The following DPP10 variants were observed in gnomAD, a reference collection of about 807,000 sequenced individuals.
DPP10 encodes the protein inactive dipeptidyl peptidase 10.
In DPP10, 33 loss-of-function variants were observed where a neutral mutation model predicts 120.9. The observed-to-expected ratio is 0.27, with a 90% CI of 0.21 to 0.37. DPP10 has a LOEUF of 0.37. DPP10 is among the 10% of genes least tolerant of loss of function. The pLI, the probability that DPP10 is intolerant of heterozygous loss-of-function variation, is 1.00. For synonymous variants in DPP10, 337 were observed against 326.1 expected, an observed-to-expected ratio of 1.03 and a Z score of -0.36; for missense variants, 816 against 942.8, an observed-to-expected ratio of 0.87 and a Z score of 1.76.
chr2:115,130,629 A>G (rs2050306626), intron 1 of DPP10, among the ~76,000 whole-genome samples: 1 of 152,168 alleles, frequency 6.6e-6, no homozygotes, highest in Non-Finnish European at 1.5e-5. Flanking sequence ...TACCAGATCC[A>G]GAGCTACTGA....
At chr2:115,416,547 A>T (rs2104634201) in intron 3 of DPP10, among the ~76,000 whole-genome samples, 1 of 152,242 alleles carries the variant, frequency 6.6e-6, no homozygotes, top group Admixed American at 6.5e-5. Context: ...TGTAGGATTT[A>T]TCTGTCTTTT....
chr2:114,503,154 G>T (rs1413591542), intron 1 of DPP10, among the ~76,000 whole-genome samples: 3 of 152,170 alleles, frequency 2.0e-5, no homozygotes, highest in African/African-American at 7.2e-5. Context: ...CCAATAGCAT[G>T]GGGCTTCATG....
intron 1 of DPP10, among the ~76,000 whole-genome samples, chr2:114,883,287 A>G (rs1378752105): frequency 6.6e-6 from 1 of 152,214 alleles, no homozygotes; most frequent in South Asian, 2.1e-4. Context: ...CGTGTTTCTT[A>G]TAGTCTGTAG....
intron 1 of DPP10, among the ~76,000 whole-genome samples, chr2:114,458,943 G>A (rs1454485706): frequency 1.3e-5 from 2 of 152,066 alleles, no homozygotes; most frequent in Non-Finnish European, 2.9e-5. Context: ...CTACAGTAAG[G>A]CAAAATAATA....
intron 1 of DPP10, among the ~76,000 whole-genome samples, chr2:114,735,138 T>TA (rs1443574887): frequency 6.6e-6 from 1 of 152,136 alleles, no homozygotes; most frequent in East Asian, 1.9e-4. Context: ...TCTAAAGCAC[T>TA]AGGGCTTAGG....
chr2:115,493,819 A>G (rs1351815546), intron 3 of DPP10, among the ~76,000 whole-genome samples: 2 of 152,206 alleles, frequency 1.3e-5, no homozygotes, highest in East Asian at 1.9e-4. Flanking sequence ...TGCAGAAGAT[A>G]CAGAGAATAG....
chr2:114,829,217 G>T (rs1686846400), intron 1 of DPP10, among the ~76,000 whole-genome samples: 1 of 151,882 alleles, frequency 6.6e-6, no homozygotes, highest in African/African-American at 2.4e-5. Flanking sequence ...TGAACCGGGG[G>T]CAGCAGAGGT....
intron 1 of DPP10, among the ~76,000 whole-genome samples, chr2:114,543,613 T>A (rs1187206246): frequency 6.6e-6 from 1 of 152,160 alleles, no homozygotes; most frequent in African/African-American, 2.4e-5. Flanking sequence ...CAACAAAAGA[T>A]AAGGTCTCAA....
intron 3 of DPP10, among the ~76,000 whole-genome samples, chr2:115,358,408 T>C (rs1357884123): frequency 6.6e-6 from 1 of 152,186 alleles, no homozygotes; most frequent in Non-Finnish European, 1.5e-5. Flanking sequence ...CACCTCAGCC[T>C]GGACTTCATT....
At chr2:115,194,251 C>T (rs1425846840) in intron 1 of DPP10, among the ~76,000 whole-genome samples, 1 of 151,850 alleles carries the variant, frequency 6.6e-6, no homozygotes, top group African/African-American at 2.4e-5. Flanking sequence ...TGAGACGGAG[C>T]TTCGCTCTTG....
At chr2:115,081,945 G>T (rs987749173) in intron 1 of DPP10, among the ~76,000 whole-genome samples, 1 of 152,130 alleles carries the variant, frequency 6.6e-6, no homozygotes, top group African/African-American at 2.4e-5. Context: ...GCCTCTGCTA[G>T]GAAATCAAAT....
At chr2:115,709,125 C>T (rs2092231764) in intron 7 of DPP10, among the ~76,000 whole-genome samples, 1 of 152,046 alleles carries the variant, frequency 6.6e-6, no homozygotes, top group African/African-American at 2.4e-5. Context: ...GAAAATAGCT[C>T]ACAAAATAGG....
intron 1 of DPP10, among the ~76,000 whole-genome samples, chr2:114,821,549 A>T (rs1686088672): frequency 6.6e-6 from 1 of 152,228 alleles, no homozygotes; most frequent in Non-Finnish European, 1.5e-5. Context: ...CAGTCCCACA[A>T]AGTCTTAAGT....
At chr2:115,614,866 A>T (rs2084375314) in intron 5 of DPP10, among the ~76,000 whole-genome samples, 2 of 152,200 alleles carry the variant, frequency 1.3e-5, no homozygotes, top group South Asian at 4.1e-4. Flanking sequence ...TGAATCCTGG[A>T]TACACAGAAA....
rs185196314 is a variant in DPP10 at position 114,677,729 on chromosome 2, A to T, written c.60+234891A>T. On this transcript the variant is annotated intron_variant, in intron 1 of 25. Coordinates refer to ENST00000410059, the MANE Select transcript of DPP10 (RefSeq NM_020868.6). ...GTGTTTGTTTCTCTACACGCTGCAG[A>T]TAACAATTTTGAATGCATTAGATGA... 1.4e-4 allele frequency among the ~76,000 whole-genome samples: 21 copies of T among 152,280 alleles called. No homozygotes were observed. In the East Asian group the frequency reaches 4.1e-3, roughly 29 times the overall value.
intron 5 of DPP10, among the ~76,000 whole-genome samples, chr2:115,628,886 T>C (rs1347978214): frequency 6.6e-6 from 1 of 152,124 alleles, no homozygotes; most frequent in Admixed American, 6.6e-5. Context: ...TACATATGTA[T>C]ACATGTGCCA....
intron 5 of DPP10, among the ~76,000 whole-genome samples, chr2:115,595,437 A>C (rs952728150): frequency 6.6e-6 from 1 of 152,118 alleles, no homozygotes; most frequent in African/African-American, 2.4e-5. Flanking sequence ...ATAAAGTAAG[A>C]TTTTTATAGA....
At chr2:114,941,170 C>G (rs971228387) in intron 1 of DPP10, among the ~76,000 whole-genome samples, 4 of 152,182 alleles carry the variant, frequency 2.6e-5, no homozygotes, top group African/African-American at 9.6e-5. Flanking sequence ...TTTGCTTAAA[C>G]ATGTAATGAT....
At chr2:115,046,437 T>C (rs1412884093) in intron 1 of DPP10, among the ~76,000 whole-genome samples, 1 of 152,202 alleles carries the variant, frequency 6.6e-6, no homozygotes, top group Non-Finnish European at 1.5e-5. Flanking sequence ...CATAGTGTGA[T>C]TCTCTGCTTG....
Sources: gnomAD v4.1 joint callset for allele counts (sites outside exome capture counted in the v4.1 genomes callset) on GRCh38, gnomAD v4.1.1 for gene constraint, MANE v1.5 for transcripts, NCBI Gene and HGNC (gene_info 2026-07-23, HGNC 2026-07-21) for gene names.